The following C5orf58 variants were observed in gnomAD, a reference collection of about 807,000 sequenced individuals.
C5orf58 encodes chromosome 5 open reading frame 58.
In C5orf58, 2 loss-of-function variants were observed where a neutral mutation model predicts 2.9. The ratio of observed to expected loss-of-function variants is 0.69; its 90% confidence interval spans 0.28 to 2.18. The LOEUF (loss-of-function observed/expected upper bound fraction) is 2.18, where lower values mean the gene tolerates loss of function less well. Ranked by LOEUF, C5orf58 falls within the 30% of genes most tolerant of loss-of-function variation. The pLI is 0.13. For missense variants in C5orf58, 96 were observed against 91.7 expected (o/e 1.05, Z -0.19); for synonymous variants, 37 against 33.4 (o/e 1.11, Z -0.37).
intron 3 of C5orf58, among the ~76,000 whole-genome samples, chr5:170,236,309 C>A (rs556956434): frequency 1.3e-5 from 2 of 152,216 alleles, no homozygotes; most frequent in South Asian, 2.1e-4. Context: ...ATTTCCTGGA[C>A]TTTGATCTGT....
At chr5:170,252,480 T>A (rs774198909), downstream of C5orf58, 28 of 1,580,696 alleles carry the variant, frequency 1.8e-5, no homozygotes, top group Non-Finnish European at 2.3e-5. Context: ...TCGGGTAATA[T>A]AAGAAACGTA....
At chr5:170,252,498 T>C, downstream of C5orf58, 1 of 1,552,078 alleles carries the variant, frequency 6.4e-7, no homozygotes, top group Non-Finnish European at 8.8e-7. Context: ...GTACCACTCT[T>C]CATTTAATGA....
At chr5:170,251,586 G>A (rs1261140154) in intron 2 of C5orf58, 3 of 455,434 alleles carry the variant, frequency 6.6e-6, no homozygotes, top group Non-Finnish European at 1.3e-5. Flanking sequence ...TACCAAATCA[G>A]GATAGCTTTA....
At chr5:170,250,799 G>C, downstream of C5orf58, 1 of 1,612,642 alleles carries the variant, frequency 6.2e-7, no homozygotes, top group Non-Finnish European at 8.5e-7. Flanking sequence ...TCTGGATGTT[G>C]TAAACTTTAT....
chr5:170,240,157 T>G (rs570652736), intron 3 of C5orf58, among the ~76,000 whole-genome samples: 2 of 151,510 alleles, frequency 1.3e-5, no homozygotes, highest in East Asian at 3.9e-4. Flanking sequence ...TGCCACATTT[T>G]CTTAATCCAG....
chr5:170,239,680 A>C (rs1047934606), intron 3 of C5orf58, among the ~76,000 whole-genome samples: 8 of 152,228 alleles, frequency 5.3e-5, no homozygotes, highest in African/African-American at 1.9e-4. Flanking sequence ...TGTATAAATC[A>C]AGTTGCAGTT....
chr5:170,233,803 A>AC, intron 1 of C5orf58: 2 of 305,248 alleles, frequency 6.6e-6, no homozygotes. Flanking sequence ...GTTGTGTAGC[A>AC]CCCCACTGTG....
At chr5:170,249,833 C>G (rs1187384419), downstream of C5orf58, among the ~76,000 whole-genome samples, 1 of 152,214 alleles carries the variant, frequency 6.6e-6, no homozygotes, top group Non-Finnish European at 1.5e-5. Context: ...GACTAATCTG[C>G]TAGGTGCCTC....
intron 3 of C5orf58, among the ~76,000 whole-genome samples, chr5:170,241,837 G>A (rs1217923583): frequency 6.6e-6 from 1 of 150,940 alleles, no homozygotes; most frequent in Non-Finnish European, 1.5e-5. Context: ...GGTGAGAGAG[G>A]GCATCCCTGT....
At chr5:170,250,434 A>T (rs1354937012), downstream of C5orf58, among the ~76,000 whole-genome samples, 1 of 152,250 alleles carries the variant, frequency 6.6e-6, no homozygotes, top group East Asian at 1.9e-4. Context: ...TAATAGTGGG[A>T]ACTTTCCTTT....
At chr5:170,233,245 T>G (rs1220670371) in intron 1 of C5orf58, 1 of 152,316 alleles carries the variant, frequency 6.6e-6, no homozygotes, top group Non-Finnish European at 1.5e-5. Flanking sequence ...TGAGGGCATT[T>G]TACATTACCC....
At chr5:170,238,058 T>A (rs754963902) in intron 3 of C5orf58, among the ~76,000 whole-genome samples, 1 of 152,162 alleles carries the variant, frequency 6.6e-6, no homozygotes, top group East Asian at 1.9e-4. Flanking sequence ...CCCCACATTA[T>A]TGAGTACCAC....
At chr5:170,236,969 G>A (rs546906338) in intron 3 of C5orf58, among the ~76,000 whole-genome samples, 16 of 152,022 alleles carry the variant, frequency 1.1e-4, no homozygotes, top group Non-Finnish European at 1.9e-4. Context: ...TGATTGATTC[G>A]ATTCTTAAAA....
exon 3 of C5orf58, chr5:170,252,141 A>T: frequency 4.2e-6 from 1 of 238,998 alleles, no homozygotes; most frequent in Non-Finnish European, 8.4e-6. Context: ...TCCTTCTGAC[A>T]CCATGTGATT....
At chr5:170,252,447 C>T, downstream of C5orf58, 1 of 1,570,600 alleles carries the variant, frequency 6.4e-7, no homozygotes, top group East Asian at 2.2e-5. Context: ...GTTTATCTTT[C>T]TAAGAGCAGC....
chr5:170,234,145 A>G lies in C5orf58; in HGVS notation c.-54A>G, dbSNP rs893139869. 3 of 1,367,522 alleles carry G rather than the reference A, an allele frequency of 2.2e-6. No individual in the cohort carries two copies. The highest frequency in any genetic ancestry group is 3.8e-5 in the Admixed American group (2 of 52,572). The allele number at this position is 1,367,522 out of a possible 1,614,324, so 84.7% of individuals were successfully genotyped here. On this transcript the variant is annotated 5_prime_UTR_variant, in exon 2 of 4. Coordinates refer to ENST00000593851, the MANE Select transcript of C5orf58 (RefSeq NM_001102609.3). ...TTACAGTGGCTCTGAAATGAGAGAA[A>G]TTGCAGAAATTCTCCCTGCTCAGGA...
At chr5:170,252,494 C>G (rs367560923), downstream of C5orf58, 3 of 1,562,504 alleles carry the variant, frequency 1.9e-6, no homozygotes, top group Non-Finnish European at 2.6e-6. Flanking sequence ...AAACGTACCA[C>G]TCTTCATTTA....
downstream of C5orf58, chr5:170,248,577 C>T (rs1761351173): frequency 4.1e-5 from 41 of 1,002,592 alleles, no homozygotes; most frequent in South Asian, 5.8e-4. Flanking sequence ...AGGATAAAAC[C>T]CTTGTGTTCA....
At chr5:170,239,526 T>G (rs1760889960) in intron 3 of C5orf58, among the ~76,000 whole-genome samples, 1 of 150,592 alleles carries the variant, frequency 6.6e-6, no homozygotes, top group Non-Finnish European at 1.5e-5. Flanking sequence ...CAAAGTGAGC[T>G]ATAAAAAAAA....
Sources: gnomAD v4.1 joint callset for allele counts (sites outside exome capture counted in the v4.1 genomes callset) on GRCh38, gnomAD v4.1.1 for gene constraint, MANE v1.5 for transcripts, NCBI Gene and HGNC (gene_info 2026-07-23, HGNC 2026-07-21) for gene names.